JAK1: variants seen among roughly 807,000 people sequenced by gnomAD.
JAK1 encodes Janus kinase 1, also known as tyrosine-protein kinase JAK1.
JAK1 carries 16 observed loss-of-function variants against 136.6 expected under a neutral mutation model. That is an observed-to-expected ratio of 0.12 (90% confidence interval 0.08 to 0.18). The LOEUF is 0.18. JAK1 is among the 10% of genes least tolerant of loss of function. The pLI is 1.00. For synonymous variants in JAK1, 492 were observed against 519.5 expected, an observed-to-expected ratio of 0.95 and a Z score of 0.72; for missense variants, 859 against 1,450.1, an observed-to-expected ratio of 0.59 and a Z score of 6.62.
chr1:64,846,588 C>T (rs2101006950), intron 14 of JAK1, 61 bp downstream of exon 14: 1 of 1,273,088 alleles, frequency 7.9e-7, no homozygotes, highest in East Asian at 2.3e-5. Context: ...CCTCCACCAT[C>T]TCCACAGCAC....
intron 2 of JAK1, among the ~76,000 whole-genome samples, chr1:65,037,336 G>A (rs1647084280): frequency 6.6e-6 from 1 of 151,862 alleles, no homozygotes; most frequent in African/African-American, 2.4e-5. Flanking sequence ...AGATGGGGGG[G>A]GTCTCATTAT....
intron 2 of JAK1, among the ~76,000 whole-genome samples, chr1:65,008,686 T>C (rs1646823562): frequency 6.6e-6 from 1 of 151,706 alleles, no homozygotes; most frequent in East Asian, 1.9e-4. Context: ...TCCTTCTCTT[T>C]CTCCTTCTCC....
intron 2 of JAK1, among the ~76,000 whole-genome samples, chr1:65,026,554 G>A (rs1395964604): frequency 6.6e-6 from 1 of 152,180 alleles, no homozygotes; most frequent in Non-Finnish European, 1.5e-5. Flanking sequence ...AGGAAGGAAG[G>A]GTTTGGAACT....
intron 1 of JAK1, among the ~76,000 whole-genome samples, chr1:64,947,761 C>T (rs1278472995): frequency 6.6e-6 from 1 of 151,892 alleles, no homozygotes; most frequent in Non-Finnish European, 1.5e-5. Context: ...TATAGCTCTA[C>T]TAAAACAGTA....
intron 8 of JAK1, among the ~76,000 whole-genome samples, chr1:64,863,129 C>T (rs1305689583): frequency 4.7e-5 from 7 of 149,762 alleles, no homozygotes; most frequent in African/African-American, 1.5e-4. Flanking sequence ...GGCCTAATAC[C>T]CAGGATGCAG....
chr1:64,886,196 G>A (rs1315388743), intron 2 of JAK1, 63 bp downstream of exon 2: 13 of 1,082,956 alleles, frequency 1.2e-5, no homozygotes, highest in South Asian at 2.7e-5. Flanking sequence ...TCAAGAACAC[G>A]GTTTCATCAA....
At chr1:64,994,383 T>C (rs138872766) in intron 2 of JAK1, among the ~76,000 whole-genome samples, 2 of 152,280 alleles carry the variant, frequency 1.3e-5, no homozygotes, top group Non-Finnish European at 2.9e-5. Context: ...CATATCTTAG[T>C]TTTATGTGGC....
chr1:64,959,270 C>A (rs536020092), intron 1 of JAK1, among the ~76,000 whole-genome samples: 15 of 152,180 alleles, frequency 9.9e-5, no homozygotes, highest in Non-Finnish European at 2.1e-4. Context: ...TTAAAACACA[C>A]ATCTATGATT....
At position 64,860,253 on chromosome 1, in the gene JAK1, G is replaced by C. The variant is rs1656203818; in HGVS notation, c.1186C>G (p.Leu396Val). ...GACAAGGCCTCCTCGTGGGAAGAGA[G>C]CTTCAGTTCCTGTTGAGAGAGAAGA... ...KQDNKKMELK[L>V]SSHEEALSFV... The change falls in exon 9 of 25, where the codon CTC becomes GTC. Residue 396 changes from leucine (L) to valine (V), a missense_variant. Leu to Val is a conservative substitution (Grantham distance 32). Around this residue, in one of 4 missense-constraint regions of JAK1, gnomAD observed 353 missense variants for 494.0 expected, o/e 0.71. Coordinates refer to ENST00000342505, the MANE Select transcript of JAK1 (RefSeq NM_002227.4). 1 of 1,602,616 alleles carries C rather than the reference G, an allele frequency of 6.2e-7. No individual in the cohort carries two copies. The highest frequency in any genetic ancestry group is 8.5e-7 in the Non-Finnish European group (1 of 1,172,936).
intron 2 of JAK1, among the ~76,000 whole-genome samples, chr1:65,014,745 C>T (rs1646878702): frequency 6.7e-6 from 1 of 150,302 alleles, no homozygotes; most frequent in Non-Finnish European, 1.5e-5. Context: ...AGTGCAGTGG[C>T]GCGACCTCGG....
chr1:65,040,413 C>T (rs1453441447), intron 2 of JAK1, among the ~76,000 whole-genome samples: 1 of 152,118 alleles, frequency 6.6e-6, no homozygotes, highest in African/African-American at 2.4e-5. Context: ...CTCCGACTCT[C>T]CTGCTTCCCA....
intron 4 of JAK1, among the ~76,000 whole-genome samples, chr1:64,875,011 T>C (rs1657312232): frequency 6.6e-6 from 1 of 152,196 alleles, no homozygotes; most frequent in Admixed American, 6.5e-5. Flanking sequence ...CCTAAACACT[T>C]TTCCCTTCCT....
chr1:64,993,138 A>G (rs1482361421), intron 2 of JAK1: 1 of 152,246 alleles, frequency 6.6e-6, no homozygotes, highest in Admixed American at 6.5e-5. Flanking sequence ...CTGCCCACAC[A>G]TCAAGGGAAA....
intron 12 of JAK1, among the ~76,000 whole-genome samples, chr1:64,850,027 C>T (rs576775689): frequency 6.6e-6 from 1 of 152,324 alleles, no homozygotes; most frequent in Non-Finnish European, 1.5e-5. Flanking sequence ...CCCCAGGCTC[C>T]TTCACAGCAG....
chr1:64,934,155 A>C (rs1645746583), intron 1 of JAK1, among the ~76,000 whole-genome samples: 1 of 151,964 alleles, frequency 6.6e-6, no homozygotes, highest in African/African-American at 2.4e-5. Flanking sequence ...ACCAAAAGCA[A>C]CTCCTGTTCC....
chr1:64,871,577 C>T (rs952048148), intron 5 of JAK1, among the ~76,000 whole-genome samples: 4 of 152,190 alleles, frequency 2.6e-5, no homozygotes, highest in African/African-American at 7.2e-5. Flanking sequence ...CCACCCTCTT[C>T]CCCCAAGACC....
At chr1:65,001,963 G>A (rs1163791880) in intron 2 of JAK1, among the ~76,000 whole-genome samples, 2 of 151,990 alleles carry the variant, frequency 1.3e-5, no homozygotes, top group Non-Finnish European at 2.9e-5. Flanking sequence ...GTCCCCAGGA[G>A]TGCTGCAAAA....
At chr1:64,881,799 C>A (rs561543637) in intron 3 of JAK1, among the ~76,000 whole-genome samples, 1 of 152,300 alleles carries the variant, frequency 6.6e-6, no homozygotes, top group East Asian at 1.9e-4. Context: ...CCCTCATTAA[C>A]AGCAGCCCAA....
intron 2 of JAK1, among the ~76,000 whole-genome samples, chr1:65,001,675 GT>G (rs1557752375): frequency 1.6e-5 from 2 of 121,750 alleles, no homozygotes; most frequent in African/African-American, 3.5e-5. Flanking sequence ...GAAAGTGTGT[GT>G]GTGGGGGGGG....
Sources: gnomAD v4.1 joint callset for allele counts (sites outside exome capture counted in the v4.1 genomes callset) on GRCh38, gnomAD v4.1.1 for gene constraint, gnomAD v4.1.1 regional missense constraint, MANE v1.5 for transcripts, NCBI Gene and HGNC (gene_info 2026-07-23, HGNC 2026-07-21) for gene names.